Variants in RFX7 observed in about 807,000 individuals in gnomAD.
RFX7 encodes the protein DNA-binding protein RFX7.
In RFX7, 26 loss-of-function variants were observed where a neutral mutation model predicts 111.8. The ratio of observed to expected loss-of-function variants is 0.23; its 90% confidence interval spans 0.17 to 0.32. RFX7 has a LOEUF of 0.32. Among genes scored for constraint, RFX7 ranks in the 10% least tolerant of loss-of-function variants. RFX7 has a pLI of 1.00. For missense variants in RFX7, 1,573 were observed against 1,772.9 expected (o/e 0.89, Z 2.02); for synonymous variants, 624 against 624.4 (o/e 1.00, Z 0.01).
rs750923849 is a variant in RFX7 at position 56,144,442 on chromosome 15, G to T, written c.237C>A (p.Leu79=). The T allele has an allele frequency of 1.5e-6, 2 of 1,366,096 alleles. No homozygotes were observed. Among genetic ancestry groups the T allele is most frequent in the Non-Finnish European group, 2.0e-6 (2 of 1,020,508 alleles). 84.6% of individuals were successfully genotyped at this position (1,366,096 alleles called of 1,614,324 possible). The part of the protein sequence containing the change: ...EKFTDLEKLY[L]YLQLPSGLSN... ...TGAGACCAGAAGGCAGCTGAAGGTAGAGGTAGAGTTTCTCTAGGTCTGTAA... is the reference window on the plus strand; with the variant it reads ...TGAGACCAGAAGGCAGCTGAAGGTATAGGTAGAGTTTCTCTAGGTCTGTAA... Residue 79 remains leucine, a synonymous_variant, in exon 4 of 10, where the codon CTC becomes CTA. Coordinates refer to ENST00000559447, the MANE Select transcript of RFX7 (RefSeq NM_022841.7).
intron 5 of RFX7, among the ~76,000 whole-genome samples, chr15:56,107,141 C>G (rs2041839814): frequency 6.6e-6 from 1 of 151,578 alleles, no homozygotes; most frequent in Non-Finnish European, 1.5e-5. Context: ...ACTAAAAATA[C>G]AAAAAATTAG....
At chr15:56,101,183 G>T (rs969619142) in intron 8 of RFX7, among the ~76,000 whole-genome samples, 176 bp downstream of exon 8, 2 of 152,086 alleles carry the variant, frequency 1.3e-5, no homozygotes, top group African/African-American at 2.4e-5. Flanking sequence ...ATAATGAAAG[G>T]ATTATTATTT....
intron 2 of RFX7, among the ~76,000 whole-genome samples, chr15:56,219,808 T>C (rs2043404834): frequency 6.6e-6 from 1 of 152,240 alleles, no homozygotes; most frequent in African/African-American, 2.4e-5. Context: ...TTATTGTGAA[T>C]AGTGCTGCAG....
intron 2 of RFX7, among the ~76,000 whole-genome samples, chr15:56,188,201 T>C (rs78240503): frequency 4.6e-5 from 7 of 152,186 alleles, no homozygotes; most frequent in African/African-American, 1.4e-4. Context: ...TGACCTTAAT[T>C]TGAGATCAGA....
Position 56,160,352 on chromosome 15 carries a change from T to C in RFX7, c.196-15869A>G, listed in dbSNP as rs531743741. Among the ~76,000 whole-genome samples, 70 of 133,502 alleles carry C rather than the reference T, an allele frequency of 5.2e-4. 1 individual carries two copies. The East Asian group carries it at 0.012, about 23-fold the overall frequency. 87.6% of individuals were successfully genotyped at this position (133,502 alleles called of 152,430 possible). The stretch of plus-strand genomic sequence containing the variant: ...TTTTCAGATTGGTATCAGTAAAAAG[T>C]TTTTTTTTTTTTTTAAGTTTTAACT... On this transcript the variant is annotated intron_variant, in intron 3 of 9. Coordinates refer to ENST00000559447, the MANE Select transcript of RFX7 (RefSeq NM_022841.7).
rs1006916369 is a variant in RFX7, at chr15:56,189,019, A to G, written c.162-9716T>C. On this transcript the variant is annotated intron_variant, in intron 2 of 9. Coordinates refer to ENST00000559447, the MANE Select transcript of RFX7 (RefSeq NM_022841.7). ...TTTTTAGTAGAGATGGGGTTTTCCC[A>G]TGTTGGCCATGCTGGTCTTGAACTC... Among the ~76,000 whole-genome samples, 6 of 152,164 alleles carry G rather than the reference A, an allele frequency of 3.9e-5. No homozygotes were observed. In the South Asian group the frequency reaches 1.2e-3, roughly 32 times the overall value.
chr15:56,216,505 T>G (rs1185477309), intron 2 of RFX7, among the ~76,000 whole-genome samples: 1 of 152,188 alleles, frequency 6.6e-6, no homozygotes, highest in African/African-American at 2.4e-5. Context: ...CACCTACTTT[T>G]TTCTTGATCT....
At chr15:56,220,763 C>A (rs55942364) in intron 2 of RFX7, among the ~76,000 whole-genome samples, 1 of 152,002 alleles carries the variant, frequency 6.6e-6, no homozygotes, top group Non-Finnish European at 1.5e-5. Context: ...GTTCCTATGA[C>A]CAGAATGTTA....
chr15:56,129,300 G>A (rs1473330140), intron 5 of RFX7, among the ~76,000 whole-genome samples: 6 of 151,696 alleles, frequency 4.0e-5, no homozygotes, highest in African/African-American at 4.9e-5. Context: ...ACTTGAACCC[G>A]GAAGGCAGAG....
In RFX7 at chr15:56,089,721, T is replaced by TTTCA. The variant is rs5812829; in HGVS notation, c.*3623_*3624insTGAA. 0.97 allele frequency: 147,282 copies of TTTCA among 152,070 alleles called. 71,517 individuals carry two copies. The highest frequency in any genetic ancestry group is 1 in the East Asian group (5,156 of 5,156). 9.4% of individuals were successfully genotyped at this position (152,070 alleles called of 1,614,324 possible). On this transcript the variant is annotated 3_prime_UTR_variant, in exon 10 of 10. Coordinates refer to ENST00000559447, the MANE Select transcript of RFX7 (RefSeq NM_022841.7). ...GACTGATTGCCTTTCTTGGGATTAG[T>TTTCA]TTTTCTTCAAGTACTTTTGAATTTT...
chr15:56,236,636 T>C (rs2043626660), intron 2 of RFX7, among the ~76,000 whole-genome samples: 1 of 152,258 alleles, frequency 6.6e-6, no homozygotes, highest in South Asian at 2.1e-4. Context: ...GGAATAGCTG[T>C]GAAGCTCAAC....
At chr15:56,201,805 C>T (rs1434127964) in intron 2 of RFX7, among the ~76,000 whole-genome samples, 10 of 152,032 alleles carry the variant, frequency 6.6e-5, no homozygotes, top group African/African-American at 2.2e-4. Context: ...CCGAGATGGG[C>T]AGATCACGAG....
intron 5 of RFX7, among the ~76,000 whole-genome samples, chr15:56,141,547 T>G (rs2042393113): frequency 6.6e-6 from 1 of 151,028 alleles, no homozygotes; most frequent in African/African-American, 2.4e-5. Context: ...ATCATACAAG[T>G]TTACCTGATT....
intron 3 of RFX7, among the ~76,000 whole-genome samples, chr15:56,161,933 T>A (rs1324717084): frequency 6.6e-6 from 1 of 152,068 alleles, no homozygotes; most frequent in African/African-American, 2.4e-5. Context: ...CTACAAAAAC[T>A]GACCATCATA....
chr15:56,097,746 CAAAAAAAAA>C (rs67718449), intron 9 of RFX7, among the ~76,000 whole-genome samples: 3 of 47,332 alleles, frequency 6.3e-5, no homozygotes, highest in East Asian at 9.5e-4. Context: ...GACTCTGTCT[CAAAAAAAAA>C]AAAAAAAAAA....
In RFX7 at chr15:56,178,190, C is replaced by T. The variant is rs1422900218; in HGVS notation, c.195+1080G>A. On this transcript the variant is annotated intron_variant, in intron 3 of 9. Transcript: ENST00000559447. Reference sequence around the variant, plus strand: ...CTACACACACACACACACACACACACACACACACACACACACACACAACAA... The same window carrying T: ...CTACACACACACACACACACACACATACACACACACACACACACACAACAA... Among the ~76,000 whole-genome samples the T allele has an allele frequency of 4.9e-4, 71 of 144,602 alleles. 3 individuals are homozygous for T. Among genetic ancestry groups the T allele is most frequent in the African/African-American group, 3.7e-4 (14 of 38,116 alleles). The allele number at this position is 144,602 out of a possible 152,430, so 94.9% of individuals were successfully genotyped here.
chr15:56,183,605 A>C (rs1459867488), intron 2 of RFX7, among the ~76,000 whole-genome samples: 4 of 152,100 alleles, frequency 2.6e-5, no homozygotes, highest in Non-Finnish European at 5.9e-5. Context: ...CCACACTTCA[A>C]ATTTATTACT....
chr15:56,164,351 G>C (rs2042759196), intron 3 of RFX7, among the ~76,000 whole-genome samples: 1 of 152,152 alleles, frequency 6.6e-6, no homozygotes, highest in South Asian at 2.1e-4. Context: ...TGCTTGATTT[G>C]CTGGACCACA....
intron 2 of RFX7, among the ~76,000 whole-genome samples, chr15:56,228,154 G>C (rs72738696): frequency 0.13 from 19,768 of 151,696 alleles, 1,686 homozygotes; most frequent in East Asian, 0.44. Context: ...ATTTTCTACA[G>C]GTTGAGTAAA....
Sources: gnomAD v4.1 joint callset for allele counts (sites outside exome capture counted in the v4.1 genomes callset) on GRCh38, gnomAD v4.1.1 for gene constraint, MANE v1.5 for transcripts, NCBI Gene and HGNC (gene_info 2026-07-23, HGNC 2026-07-21) for gene names.